The following KCNIP4 variants were observed in gnomAD, a reference collection of about 807,000 sequenced individuals.
KCNIP4 encodes potassium voltage-gated channel interacting protein 4.
KCNIP4 carries 12 observed loss-of-function variants against 34.0 expected under a neutral mutation model. That is an observed-to-expected ratio of 0.35 (90% CI 0.23 to 0.57). KCNIP4 has a LOEUF of 0.57. Ranked by LOEUF, KCNIP4 falls within the 20% of genes least tolerant of loss-of-function variation. The pLI, the probability that KCNIP4 is intolerant of heterozygous loss-of-function variation, is 0.83. For synonymous variants in KCNIP4, 124 were observed against 102.2 expected (o/e 1.21, Z -1.29); for missense variants, 238 against 311.7 (o/e 0.76, Z 1.78).
intron 1 of KCNIP4, among the ~76,000 whole-genome samples, chr4:21,136,106 G>T (rs551716356): frequency 6.6e-6 from 1 of 152,278 alleles, no homozygotes; most frequent in East Asian, 1.9e-4. Flanking sequence ...TCTGACACTG[G>T]CTGTGTAATT....
intron 3 of KCNIP4, among the ~76,000 whole-genome samples, chr4:20,760,878 AT>A (rs1251955887): frequency 6.6e-6 from 1 of 152,166 alleles, no homozygotes; most frequent in Non-Finnish European, 1.5e-5. Flanking sequence ...GTGATGGTTG[AT>A]TTTATGTGTT....
chr4:20,951,971 G>A (rs949029956), intron 1 of KCNIP4, among the ~76,000 whole-genome samples: 19 of 152,222 alleles, frequency 1.2e-4, no homozygotes, highest in Non-Finnish European at 2.8e-4. Context: ...AATAATATAC[G>A]CTTTGCTTAC....
At chr4:20,847,086 G>A (rs1168151655) in intron 3 of KCNIP4, among the ~76,000 whole-genome samples, 1 of 152,152 alleles carries the variant, frequency 6.6e-6, no homozygotes, top group South Asian at 2.1e-4. Flanking sequence ...GGCCAACCAC[G>A]ACTGTCCCAC....
intron 1 of KCNIP4, among the ~76,000 whole-genome samples, chr4:20,886,075 T>A (rs932660783): frequency 1.3e-5 from 2 of 152,238 alleles, no homozygotes; most frequent in African/African-American, 4.8e-5. Context: ...ACGTCTTCCC[T>A]ACTGAAATGG....
chr4:21,823,515 A>G (rs1000380392), intron 1 of KCNIP4, among the ~76,000 whole-genome samples: 1 of 129,710 alleles, frequency 7.7e-6, no homozygotes, highest in East Asian at 3.2e-4. Context: ...TCTTAAAAAA[A>G]AAAACAAAAA....
chr4:21,772,306 G>A (rs887876632), intron 1 of KCNIP4, among the ~76,000 whole-genome samples: 1 of 152,128 alleles, frequency 6.6e-6, no homozygotes, highest in African/African-American at 2.4e-5. Flanking sequence ...TTTTTGACGT[G>A]CTGCTGGATT....
chr4:21,000,267 G>T (rs547394999), intron 1 of KCNIP4, among the ~76,000 whole-genome samples: 1 of 151,944 alleles, frequency 6.6e-6, no homozygotes, highest in African/African-American at 2.4e-5. Context: ...CTAATAAGTC[G>T]TCTCAGCCGC....
At chr4:21,910,266 G>T (rs1017628402) in intron 1 of KCNIP4, among the ~76,000 whole-genome samples, 1 of 152,090 alleles carries the variant, frequency 6.6e-6, no homozygotes, top group Non-Finnish European at 1.5e-5. Context: ...CAATGCAAAT[G>T]TGTTGTCTAT....
intron 1 of KCNIP4, among the ~76,000 whole-genome samples, chr4:21,463,004 T>A (rs1729603569): frequency 6.6e-6 from 1 of 152,102 alleles, no homozygotes; most frequent in Non-Finnish European, 1.5e-5. Context: ...CTTGACATAC[T>A]GATTTCATTT....
At chr4:21,916,231 T>C (rs924314349) in intron 1 of KCNIP4, among the ~76,000 whole-genome samples, 7 of 152,242 alleles carry the variant, frequency 4.6e-5, no homozygotes, top group African/African-American at 1.2e-4. Flanking sequence ...TTTCCAGCAT[T>C]GTCCTGTGTG....
intron 1 of KCNIP4, among the ~76,000 whole-genome samples, chr4:21,736,943 G>A (rs1015336746): frequency 1.3e-5 from 2 of 152,000 alleles, no homozygotes; most frequent in Non-Finnish European, 2.9e-5. Flanking sequence ...TTGTATCTTA[G>A]ACTCCTGCTA....
intron 1 of KCNIP4, among the ~76,000 whole-genome samples, chr4:20,984,823 C>G (rs1454239826): frequency 6.6e-6 from 1 of 152,188 alleles, no homozygotes; most frequent in Non-Finnish European, 1.5e-5. Context: ...CAGCCTTTCT[C>G]AAAGTTTCAC....
intron 1 of KCNIP4, among the ~76,000 whole-genome samples, chr4:21,930,655 C>T (rs750523678): frequency 4.5e-4 from 69 of 152,068 alleles, no homozygotes; most frequent in Non-Finnish European, 8.8e-4. Context: ...GCTGATCCTA[C>T]CTCTAAATCC....
intron 1 of KCNIP4, among the ~76,000 whole-genome samples, chr4:21,673,985 T>C (rs1330997320): frequency 6.6e-6 from 1 of 152,198 alleles, no homozygotes; most frequent in Non-Finnish European, 1.5e-5. Context: ...AACCAGCACA[T>C]AGTCTCATGC....
At chr4:21,425,753 A>G (rs1282512154) in intron 1 of KCNIP4, among the ~76,000 whole-genome samples, 2 of 152,188 alleles carry the variant, frequency 1.3e-5, no homozygotes, top group African/African-American at 4.8e-5. Context: ...CTGCATGCTA[A>G]CATATCTTAA....
chr4:21,335,755 T>C (rs1375661691), intron 1 of KCNIP4, among the ~76,000 whole-genome samples: 1 of 152,238 alleles, frequency 6.6e-6, no homozygotes, highest in African/African-American at 2.4e-5. Context: ...TATTTCCCTT[T>C]GGAACTGCCC....
intron 4 of KCNIP4, among the ~76,000 whole-genome samples, chr4:20,755,202 G>C (rs1754287689): frequency 6.6e-6 from 1 of 152,140 alleles, no homozygotes; most frequent in Admixed American, 6.5e-5. Flanking sequence ...CAGTCTTCCT[G>C]TGTTTTCTTA....
At chr4:21,630,583 G>A (rs555708690) in intron 1 of KCNIP4, among the ~76,000 whole-genome samples, 6 of 151,466 alleles carry the variant, frequency 4.0e-5, no homozygotes, top group Non-Finnish European at 5.9e-5. Context: ...CTCTTTCCCC[G>A]GACCCTGCTG....
intron 1 of KCNIP4, among the ~76,000 whole-genome samples, chr4:20,995,845 G>T (rs1469624914): frequency 9.9e-5 from 15 of 152,154 alleles, no homozygotes; most frequent in Admixed American, 9.8e-4. Flanking sequence ...GGGCATGAAG[G>T]GTGTGAGGAA....
Sources: allele counts gnomAD v4.1 joint callset (sites outside exome capture counted in the v4.1 genomes callset), GRCh38; gene constraint gnomAD v4.1.1; transcripts MANE v1.5; gene names NCBI Gene and HGNC (gene_info 2026-07-23, HGNC 2026-07-21).